MANSC1: variants seen among roughly 807,000 people sequenced by gnomAD.
MANSC1 encodes the protein MANSC domain containing 1.
In MANSC1, 13 loss-of-function variants were observed where a neutral mutation model predicts 14.1. The ratio of observed to expected loss-of-function variants is 0.92; its 90% CI spans 0.60 to 1.46. MANSC1 has a LOEUF of 1.46. MANSC1 is among the 40% of genes most tolerant of loss of function. The pLI is 0.00. For synonymous variants in MANSC1, 227 were observed against 200.7 expected (o/e 1.13, Z -1.11); for missense variants, 486 against 511.4 (o/e 0.95, Z 0.48).
chr12:12,342,597 T>TTTTTTTTTTC (rs1862951192), intron 2 of MANSC1, among the ~76,000 whole-genome samples: 1 of 145,426 alleles, frequency 6.9e-6, no homozygotes. Context: ...TTTTTTTTTT[T>TTTTTTTTTTC]TTTTTTTTTT....
chr12:12,330,895 T>C lies in MANSC1; in HGVS notation c.428A>G (p.His143Arg). ...AGTGACTGCTTGTGAAAATTGGCCATGTAAGAGAGAATCTTCCTGGGGTAA... is the reference window on the plus strand; with the variant it reads ...AGTGACTGCTTGTGAAAATTGGCCACGTAAGAGAGAATCTTCCTGGGGTAA... ...QELPQEDSLLHGQFSQAVTPL... is the reference protein window; with the variant it reads ...QELPQEDSLLRGQFSQAVTPL... Residue 143 changes from histidine (H) to arginine (R), a missense_variant, in exon 4 of 4, where the codon CAT (histidine) becomes CGT (arginine). Transcript: ENST00000535902. 1.9e-6 allele frequency: 3 copies of C among 1,611,968 alleles called. No individual in the cohort carries two copies. The highest frequency in any genetic ancestry group is 1.1e-5 in the South Asian group (1 of 90,366).
chr12:12,331,812 A>G (rs1659534876), intron 3 of MANSC1, among the ~76,000 whole-genome samples: 1 of 152,128 alleles, frequency 6.6e-6, no homozygotes, highest in Admixed American at 6.5e-5. Context: ...CCAGAGATAT[A>G]TCGTTCCAGC....
chr12:12,344,913 TCC>T (rs1312702848), intron 1 of MANSC1, among the ~76,000 whole-genome samples: 11 of 59,834 alleles, frequency 1.8e-4, no homozygotes, highest in African/African-American at 4.8e-4. Flanking sequence ...CTTAATAAAC[TCC>T]CATATATATA....
intron 3 of MANSC1, among the ~76,000 whole-genome samples, chr12:12,331,814 C>A (rs1343756807): frequency 6.6e-6 from 1 of 152,160 alleles, no homozygotes; most frequent in Non-Finnish European, 1.5e-5. Flanking sequence ...AGAGATATAT[C>A]GTTCCAGCAC....
intron 1 of MANSC1, among the ~76,000 whole-genome samples, chr12:12,344,969 T>A (rs1336436421): frequency 2.5e-4 from 14 of 55,194 alleles, no homozygotes; most frequent in Admixed American, 4.7e-4. Context: ...ATATATATAT[T>A]ACACTAGTTC....
At chr12:12,335,189 T>C (rs1466486893) in intron 3 of MANSC1, among the ~76,000 whole-genome samples, 1 of 152,106 alleles carries the variant, frequency 6.6e-6, no homozygotes, top group African/African-American at 2.4e-5. Context: ...ATAGCCCATA[T>C]GTCCACTACT....
At chr12:12,336,534 T>A (rs1427674429) in intron 3 of MANSC1, among the ~76,000 whole-genome samples, 2 of 148,152 alleles carry the variant, frequency 1.3e-5, no homozygotes, top group African/African-American at 2.5e-5. Context: ...TGTTTTCCTA[T>A]TTTTTTTTTA....
intron 2 of MANSC1, among the ~76,000 whole-genome samples, chr12:12,341,616 G>A (rs1386645500): frequency 6.6e-6 from 1 of 152,198 alleles, no homozygotes; most frequent in Non-Finnish European, 1.5e-5. Flanking sequence ...GCCAGGAACT[G>A]GAGACAAAGA....
intron 1 of MANSC1, among the ~76,000 whole-genome samples, chr12:12,344,926 T>C (rs1352114049): frequency 2.5e-5 from 1 of 39,268 alleles, no homozygotes; most frequent in Non-Finnish European, 5.1e-5. Flanking sequence ...CATATATATA[T>C]ATATATATAT....
intron 1 of MANSC1, among the ~76,000 whole-genome samples, 172 bp from the exon 2 acceptor site, chr12:12,343,586 C>T (rs1862966633): frequency 6.6e-6 from 1 of 152,140 alleles, no homozygotes; most frequent in African/African-American, 2.4e-5. Context: ...TTTCATTAAA[C>T]ATTTGGCAAA....
chr12:12,344,915 C>CTA lies in MANSC1; in HGVS notation c.-100-1502_-100-1501insTA, dbSNP rs1424375988. 1.1e-3 allele frequency among the ~76,000 whole-genome samples: 33 copies of CTA among 30,056 alleles called. 1 individual carries two copies. The highest frequency in any genetic ancestry group is 1.7e-3 in the Admixed American group (3 of 1,788). 19.7% of individuals were successfully genotyped at this position (30,056 alleles called of 152,430 possible). A position where few individuals can be genotyped will look rare whatever the true frequency, so the allele number is the denominator to read the frequency against. On this transcript the variant is annotated intron_variant, in intron 1 of 3. Transcript: ENST00000535902. The stretch of plus-strand genomic sequence containing the variant: ...ATGTGAGTTAATACTTAATAAACTC[C>CTA]CATATATATATATATATATATATAT...
chr12:12,342,943 G>A, intron 2 of MANSC1, 149 bp downstream of exon 2: 1 of 624,436 alleles, frequency 1.6e-6, no homozygotes, highest in Non-Finnish European at 2.8e-6. Flanking sequence ...GAGAGGGGAG[G>A]GCACACTTGT....
In MANSC1 at chr12:12,327,046, G is replaced by C. The variant is rs1565787990; in HGVS notation, c.*2981C>G. On this transcript the variant is annotated 3_prime_UTR_variant, in exon 4 of 4. Coordinates refer to ENST00000535902, the MANE Select transcript of MANSC1 (RefSeq NM_018050.4). ...GCTGGTCTAGAACTCCTGACCTCAGGTGATCCACCCACCTTGGACTCCCAA... is the reference window on the plus strand; with the variant it reads ...GCTGGTCTAGAACTCCTGACCTCAGCTGATCCACCCACCTTGGACTCCCAA... 1 of 152,284 alleles carries C rather than the reference G, an allele frequency of 6.6e-6. No homozygotes were observed. Among genetic ancestry groups the C allele is most frequent in the Non-Finnish European group, 1.5e-5 (1 of 68,150 alleles). 9.4% of individuals were successfully genotyped at this position (152,284 alleles called of 1,614,324 possible). A position where few individuals can be genotyped will look rare whatever the true frequency, so the allele number is the denominator to read the frequency against.
At chr12:12,338,890 A>AACACACACACACACACAC (rs56183211) in intron 2 of MANSC1, 13,448 of 192,662 alleles carry the variant, frequency 0.07, 661 homozygotes, top group Non-Finnish European at 0.087. Context: ...CACACACACA[A>AACACACACACACACACAC]ACACACACAC....
At chr12:12,332,477 G>A (rs747007679) in intron 3 of MANSC1, among the ~76,000 whole-genome samples, 2 of 152,168 alleles carry the variant, frequency 1.3e-5, no homozygotes, top group Non-Finnish European at 2.9e-5. Flanking sequence ...CCTGCCATCT[G>A]TCTTTGTATG....
At chr12:12,343,614 CA>C in intron 1 of MANSC1, among the ~76,000 whole-genome samples, 200 bp from the exon 2 acceptor site, 1 of 152,256 alleles carries the variant, frequency 6.6e-6, no homozygotes, top group East Asian at 1.9e-4. Flanking sequence ...TAAGCATAAA[CA>C]AACATACTAC....
intron 1 of MANSC1, among the ~76,000 whole-genome samples, chr12:12,346,452 G>T (rs1863011345): frequency 6.6e-6 from 1 of 152,180 alleles, no homozygotes; most frequent in South Asian, 2.1e-4. Context: ...GATACTACCT[G>T]ACTTCAACAC....
chr12:12,343,939 C>T (rs2135997008), intron 1 of MANSC1, among the ~76,000 whole-genome samples: 1 of 152,090 alleles, frequency 6.6e-6, no homozygotes, highest in South Asian at 2.1e-4. Flanking sequence ...TGGTGAAACC[C>T]TGTCTCTACT....
chr12:12,344,021 G>C (rs543217610), intron 1 of MANSC1, among the ~76,000 whole-genome samples: 1 of 152,158 alleles, frequency 6.6e-6, no homozygotes, highest in African/African-American at 2.4e-5. Context: ...GCTGAGGTGG[G>C]AGGATCGCTG....
Sources: gnomAD v4.1 joint callset for allele counts (sites outside exome capture counted in the v4.1 genomes callset) on GRCh38, gnomAD v4.1.1 for gene constraint, MANE v1.5 for transcripts, NCBI Gene and HGNC (gene_info 2026-07-23, HGNC 2026-07-21) for gene names.